Variants in FAM98A observed in about 807,000 individuals in gnomAD.
FAM98A encodes protein FAM98A.
In FAM98A, 25 loss-of-function variants were observed where a neutral mutation model predicts 62.9. That is an observed-to-expected ratio of 0.40 (90% CI 0.29 to 0.56). The LOEUF (loss-of-function observed/expected upper bound fraction) is 0.56. Ranked by LOEUF, FAM98A falls within the 20% of genes least tolerant of loss-of-function variation. FAM98A has a pLI of 0.51. For missense variants in FAM98A, 653 were observed against 640.7 expected (o/e 1.02, Z -0.21); for synonymous variants, 252 against 228.6 (o/e 1.10, Z -0.92).
chr2:33,586,742 CA>C, intron 5 of FAM98A, 64 bp from the exon 6 acceptor site: 1 of 1,002,814 alleles, frequency 1.0e-6, no homozygotes. Context: ...CCCAAAAGGG[CA>C]AAAACTACGT....
chr2:33,585,747 TAAGA>T, intron 6 of FAM98A, 50 bp from the exon 7 acceptor site: 2 of 1,519,530 alleles, frequency 1.3e-6, no homozygotes, highest in Non-Finnish European at 1.8e-6. Context: ...CAAAATGACA[TAAGA>T]AACACATATT....
chr2:33,592,342 T>C (rs1016095926), intron 2 of FAM98A, 128 bp from the exon 3 acceptor site: 2 of 771,602 alleles, frequency 2.6e-6, no homozygotes, highest in South Asian at 2.1e-5. Flanking sequence ...TTCTAATTTA[T>C]CCTTTCTTAC....
In FAM98A at chr2:33,584,816, T is replaced by C. The variant is rs757262492; in HGVS notation, c.1517A>G (p.Asn506Ser). ...TCTTCCCTGTCCAAATCCAGAATGATTATACTGATAACCTCCATGCTGGAA... is the reference window on the plus strand; with the variant it reads ...TCTTCCCTGTCCAAATCCAGAATGACTATACTGATAACCTCCATGCTGGAA... ...QHFQHGGYQY[N>S]HSGFGQGRHY... is the part of the protein sequence containing the mutation. Residue 506 changes from asparagine to serine, a missense_variant, in exon 8 of 8, where the codon AAT (asparagine) becomes AGT (serine). Transcript: ENST00000238823. 99 of 1,613,424 alleles carry C rather than the reference T, an allele frequency of 6.1e-5. No homozygotes were observed. Among genetic ancestry groups the C allele is most frequent in the Non-Finnish European group, 7.7e-5 (91 of 1,179,600 alleles).
Position 33,599,106 on chromosome 2 carries a change from A to G in FAM98A, c.53+63T>C, listed in dbSNP as rs1677893442. 5.1e-6 allele frequency: 7 copies of G among 1,360,278 alleles called. No homozygotes were observed. In the East Asian group the frequency reaches 1.2e-4, roughly 22 times the overall value. The allele number at this position is 1,360,278 out of a possible 1,614,324, so 84.3% of individuals were successfully genotyped here. A position where few individuals can be genotyped will look rare whatever the true frequency, so the allele number is the denominator to read the frequency against. On this transcript the variant is annotated intron_variant, in intron 1 of 7. Transcript: ENST00000238823. Reference sequence around the variant, plus strand: ...AGGCAGGTGTCTCAGACTGGGGCGCAGGAGGTGTTCCCAGGGGGCCGGCAG... The same window carrying G: ...AGGCAGGTGTCTCAGACTGGGGCGCGGGAGGTGTTCCCAGGGGGCCGGCAG...
chr2:33,588,342 T>C lies in FAM98A; in HGVS notation c.515A>G (p.Glu172Gly). Residue 172 changes from glutamate to glycine, a missense_variant, in exon 4 of 8, where the codon GAA becomes GGA. Glu to Gly is a moderately conservative substitution (Grantham distance 98). Coordinates refer to ENST00000238823, the MANE Select transcript of FAM98A (RefSeq NM_015475.5). The part of the protein sequence containing the change: ...ITMFQFFSGI[E>G]KKLKETLAKV... ...TGGTACTAAAGGTCTTACTTTTTTT[T>C]CAATCCCGCTGAAGAATTGGAACAT... 1 of 1,610,472 alleles carries C rather than the reference T, an allele frequency of 6.2e-7. No individual in the cohort carries two copies. The highest frequency in any genetic ancestry group is 8.5e-7 in the Non-Finnish European group (1 of 1,178,144).
chr2:33,592,022 T>C (rs1428224438), intron 3 of FAM98A, 58 bp downstream of exon 3: 15 of 1,381,692 alleles, frequency 1.1e-5, no homozygotes, highest in African/African-American at 1.4e-5. Flanking sequence ...GTCAGTTTAT[T>C]AGTCATGGAA....
intron 1 of FAM98A, 115 bp downstream of exon 1, chr2:33,599,054 C>G: frequency 1.2e-6 from 1 of 868,502 alleles, no homozygotes; most frequent in Non-Finnish European, 1.9e-6. Flanking sequence ...GAAGCGACAG[C>G]CAGGAGCCAC....
rs745658661 is a variant in FAM98A at position 33,585,712 on chromosome 2, G to A, written c.721-15C>T. The A allele has an allele frequency of 2.5e-6, 4 of 1,600,650 alleles. No individual in the cohort carries two copies. In the Admixed American group the frequency reaches 7.0e-5, roughly 28 times the overall value. On this transcript the variant is annotated splice_polypyrimidine_tract_variant and intron_variant, in intron 6 of 7. Transcript: ENST00000238823. Reference sequence around the variant, plus strand: ...TCTGTCTGGCTCTGTTGAAAGAAAAGTGTTCAAAGAGAAATGTCAATTTTC... The same window carrying A: ...TCTGTCTGGCTCTGTTGAAAGAAAAATGTTCAAAGAGAAATGTCAATTTTC...
At position 33,584,995 on chromosome 2, in the gene FAM98A, A is replaced by G. The variant is rs1677504562; in HGVS notation, c.1338T>C (p.Asn446=). ...GYQGGGYQQD[N]RYQDGGHHGD... is the part of the protein sequence containing the mutation. ...CATGGTGCCCGCCATCTTGGTATCT[A>G]TTGTCCTGCTGGTAGCCACCACCCT... Residue 446 remains asparagine (N), a synonymous_variant, in exon 8 of 8, where the codon AAT becomes AAC. Transcript: ENST00000238823. 3.7e-6 allele frequency: 6 copies of G among 1,613,524 alleles called. No individual in the cohort carries two copies. In the South Asian group the frequency reaches 5.5e-5, roughly 15 times the overall value.
rs867281041 is a variant in FAM98A, at chr2:33,588,780, A to C, written c.338-261T>G. 5.6e-5 allele frequency: 13 copies of C among 233,746 alleles called. No individual in the cohort carries two copies. The South Asian group carries it at 1.4e-3, about 25-fold the overall frequency. 14.5% of individuals were successfully genotyped at this position (233,746 alleles called of 1,614,324 possible). On this transcript the variant is annotated intron_variant, in intron 3 of 7. Transcript: ENST00000238823. ...CTCTTTGAAACCGAAGGATCGAGGT[A>C]AGTAACATCTAAAAATTTGGAATCT... is the stretch of plus-strand genomic sequence containing the variant.
rs1677495173 is a variant in FAM98A, at chr2:33,584,782, A to G, written c.1551T>C (p.Thr517=). 2 of 1,595,116 alleles carry G rather than the reference A, an allele frequency of 1.3e-6. No individual in the cohort carries two copies. The highest frequency in any genetic ancestry group is 1.7e-6 in the Non-Finnish European group (2 of 1,165,940). ...HSGFGQGRHY[T]S ...AATGTAAGGTTCGGTAGCCTCAACT[A>G]GTGTAATGTCTTCCCTGTCCAAATC... is the stretch of plus-strand genomic sequence containing the variant. The change falls in exon 8 of 8, where the codon ACT becomes ACC. Residue 517 remains threonine, a synonymous_variant. Transcript: ENST00000238823.
chr2:33,585,456 G>C lies in FAM98A; in HGVS notation c.889-12C>G, dbSNP rs370217320. On this transcript the variant is annotated splice_polypyrimidine_tract_variant and intron_variant, in intron 7 of 7. Transcript: ENST00000238823. ...CTGCCCATCAACACCTACAGAATAG[G>C]AAAGATATTTTAAACTTTTATTTTA... 1.2e-4 allele frequency: 199 copies of C among 1,613,414 alleles called. No homozygotes were observed. The highest frequency in any genetic ancestry group is 1.5e-4 in the Non-Finnish European group (173 of 1,179,824).
At position 33,592,115 on chromosome 2, in the gene FAM98A, C is replaced by T. The variant is rs756030331; in HGVS notation, c.302G>A (p.Arg101His). ...LSLTSGDVTKRLLIQKNCLLL... is the reference protein window; with the variant it reads ...LSLTSGDVTKHLLIQKNCLLL... ...GAGGCAGTTCTTCTGAATGAGAAGG[C>T]GCTTGGTCACATCCCCAGATGTCAG... is the stretch of plus-strand genomic sequence containing the variant. Residue 101 changes from arginine to histidine, a missense_variant, in exon 3 of 8, where the codon CGC (arginine) becomes CAC (histidine). Coordinates refer to ENST00000238823, the MANE Select transcript of FAM98A (RefSeq NM_015475.5). The T allele has an allele frequency of 7.4e-6, 12 of 1,613,448 alleles. No individual in the cohort carries two copies. The highest frequency in any genetic ancestry group is 1.7e-5 in the Admixed American group (1 of 60,008).
intron 2 of FAM98A, among the ~76,000 whole-genome samples, chr2:33,593,270 T>C (rs1190404753): frequency 6.6e-6 from 1 of 152,174 alleles, no homozygotes; most frequent in Non-Finnish European, 1.5e-5. Context: ...CCAGTTGTCG[T>C]GGCACATGCC....
chr2:33,593,249 A>C lies in FAM98A; in HGVS notation c.203-1035T>G, dbSNP rs575916669. 2.0e-3 allele frequency among the ~76,000 whole-genome samples: 304 copies of C among 152,292 alleles called. 2 individuals carry two copies. The highest frequency in any genetic ancestry group is 6.8e-3 in the African/African-American group (283 of 41,560). On this transcript the variant is annotated intron_variant, in intron 2 of 7. Coordinates refer to ENST00000238823, the MANE Select transcript of FAM98A (RefSeq NM_015475.5). ...CAAAACCCCGTCTCTAAGAAAAATA[A>C]CAAAAATCAGCCAGTTGTCGTGGCA... is the stretch of plus-strand genomic sequence containing the variant.
intron 1 of FAM98A, among the ~76,000 whole-genome samples, chr2:33,596,891 C>CAAAAAA (rs55741538): frequency 5.8e-5 from 6 of 103,372 alleles, no homozygotes; most frequent in Non-Finnish European, 7.3e-5. Flanking sequence ...GACTCCGTAT[C>CAAAAAA]AAAAAAAAAA....
chr2:33,584,882 C>T lies in FAM98A; in HGVS notation c.1451G>A (p.Gly484Glu). Reference sequence around the variant, plus strand: ...ACCCCCTTGGTGATAATTCTGGCTCCCTCTTCCTCCCCAGCCTCCTCCCTG... The same window carrying T: ...ACCCCCTTGGTGATAATTCTGGCTCTCTCTTCCTCCCCAGCCTCCTCCCTG... Reference protein sequence around the residue: ...AGQGGGWGGRGSQNYHQGGQF... With the variant: ...AGQGGGWGGRESQNYHQGGQF... Residue 484 changes from glycine (G) to glutamate (E), a missense_variant, in exon 8 of 8, where the codon GGG becomes GAG. Transcript: ENST00000238823. 1 of 1,614,052 alleles carries T rather than the reference C, an allele frequency of 6.2e-7. No individual in the cohort carries two copies. Among genetic ancestry groups the T allele is most frequent in the Non-Finnish European group, 8.5e-7 (1 of 1,180,008 alleles).
intron 3 of FAM98A, chr2:33,589,959 G>A (rs1179595517): frequency 1.3e-5 from 2 of 151,976 alleles, no homozygotes; most frequent in Admixed American, 6.6e-5. Context: ...TAATATATTG[G>A]TTCTGTAAAT....
chr2:33,594,876 T>C (rs951083550), intron 2 of FAM98A, among the ~76,000 whole-genome samples: 1 of 152,068 alleles, frequency 6.6e-6, no homozygotes, highest in African/African-American at 2.4e-5. Flanking sequence ...AACCAGATGG[T>C]AGAGTGGTAG....
Sources: gnomAD v4.1 joint callset for allele counts (sites outside exome capture counted in the v4.1 genomes callset) on GRCh38, gnomAD v4.1.1 for gene constraint, MANE v1.5 for transcripts, NCBI Gene and HGNC (gene_info 2026-07-23, HGNC 2026-07-21) for gene names.